The following RFX3 variants were observed in gnomAD, a reference collection of about 807,000 sequenced individuals.
RFX3 encodes the protein regulatory factor X3, also known as transcription factor RFX3.
RFX3 carries 14 observed loss-of-function variants against 98.6 expected under a neutral mutation model. The observed-to-expected ratio is 0.14, with a 90% confidence interval of 0.09 to 0.22. The LOEUF (loss-of-function observed/expected upper bound fraction) is 0.22, where lower values mean the gene tolerates loss of function less well. Among genes scored for constraint, RFX3 ranks in the 10% least tolerant of loss-of-function variants. RFX3 has a pLI of 1.00. For missense variants in RFX3, 639 were observed against 926.9 expected (o/e 0.69, Z 4.03); for synonymous variants, 383 against 328.4 (o/e 1.17, Z -1.80).
intron 14 of RFX3, among the ~76,000 whole-genome samples, chr9:3,249,375 G>C (rs968000480): frequency 1.3e-5 from 2 of 151,980 alleles, no homozygotes; most frequent in Non-Finnish European, 2.9e-5. Context: ...ATTGACTGTT[G>C]ATCTCAAAAA....
chr9:3,243,690 A>G (rs1010977698), intron 15 of RFX3, among the ~76,000 whole-genome samples: 3 of 152,196 alleles, frequency 2.0e-5, no homozygotes, highest in African/African-American at 7.2e-5. Context: ...TTCTTAAGTC[A>G]CCTTAAAAGG....
At chr9:3,347,631 C>T (rs1436322966) in intron 2 of RFX3, among the ~76,000 whole-genome samples, 1 of 151,962 alleles carries the variant, frequency 6.6e-6, no homozygotes, top group African/African-American at 2.4e-5. Flanking sequence ...CAAGACCAGT[C>T]TCCTGACCAA....
intron 1 of RFX3, among the ~76,000 whole-genome samples, chr9:3,506,823 G>T (rs1350481535): frequency 6.6e-6 from 1 of 151,620 alleles, no homozygotes; most frequent in East Asian, 1.9e-4. Flanking sequence ...TCTATTTGAA[G>T]AAATATCCAG....
At chr9:3,280,333 T>A (rs1825778730) in intron 7 of RFX3, among the ~76,000 whole-genome samples, 1 of 151,800 alleles carries the variant, frequency 6.6e-6, no homozygotes, top group Admixed American at 6.6e-5. Context: ...ATGAGAGAGC[T>A]TCCAGGTAGT....
intron 13 of RFX3, among the ~76,000 whole-genome samples, chr9:3,261,295 T>C (rs1204290814): frequency 6.6e-6 from 1 of 152,092 alleles, no homozygotes; most frequent in Non-Finnish European, 1.5e-5. Flanking sequence ...ATTTGTTACC[T>C]CCCAGTCTTC....
intron 3 of RFX3, among the ~76,000 whole-genome samples, chr9:3,343,652 T>C (rs1258229453): frequency 2.6e-5 from 4 of 152,228 alleles, no homozygotes; most frequent in African/African-American, 9.6e-5. Flanking sequence ...GTATACTTCA[T>C]GGCAACACAA....
At chr9:3,304,878 A>T (rs1379346439) in intron 4 of RFX3, among the ~76,000 whole-genome samples, 2 of 152,086 alleles carry the variant, frequency 1.3e-5, no homozygotes, top group East Asian at 3.9e-4. Flanking sequence ...AAATACAAGC[A>T]TAGTTCAGAA....
intron 1 of RFX3, among the ~76,000 whole-genome samples, chr9:3,495,485 T>C (rs1277340264): frequency 6.6e-6 from 1 of 152,114 alleles, no homozygotes; most frequent in Non-Finnish European, 1.5e-5. Flanking sequence ...TTTTTGGCAG[T>C]ATTTAATTCT....
chr9:3,404,102 T>C (rs1841737496), intron 1 of RFX3, among the ~76,000 whole-genome samples: 1 of 152,184 alleles, frequency 6.6e-6, no homozygotes. Flanking sequence ...AGAAACAATA[T>C]ACCCCATTTT....
chr9:3,348,403 T>C (rs903240840), intron 2 of RFX3, among the ~76,000 whole-genome samples: 1 of 151,980 alleles, frequency 6.6e-6, no homozygotes, highest in Admixed American at 6.6e-5. Context: ...ATTAATAGTA[T>C]CCTGCTCCCT....
rs369069565 is a variant in RFX3 at position 3,506,695 on chromosome 9, C to G, written c.-9+19052G>C. Reference sequence around the variant, plus strand: ...ATAGATATATGAGTCTAGAATTTCACATATAGAGAAATGTATATATATAAA... The same window carrying G: ...ATAGATATATGAGTCTAGAATTTCAGATATAGAGAAATGTATATATATAAA... On this transcript the variant is annotated intron_variant, in intron 1 of 16. Coordinates refer to ENST00000617270, the MANE Select transcript of RFX3 (RefSeq NM_001282116.2). Among the ~76,000 whole-genome samples the G allele has an allele frequency of 2.0e-4, 30 of 151,680 alleles. 1 individual carries two copies. In the East Asian group the frequency reaches 5.4e-3, roughly 27 times the overall value.
chr9:3,475,446 T>C (rs1214812382), intron 1 of RFX3, among the ~76,000 whole-genome samples: 5 of 151,842 alleles, frequency 3.3e-5, no homozygotes, highest in Non-Finnish European at 7.4e-5. Context: ...CTCCAATGAT[T>C]GACAAGGTCA....
chr9:3,450,181 T>A (rs890608185), intron 1 of RFX3, among the ~76,000 whole-genome samples: 2 of 152,180 alleles, frequency 1.3e-5, no homozygotes, highest in African/African-American at 4.8e-5. Flanking sequence ...ACTACTAAGG[T>A]TGCAATCACA....
At chr9:3,514,209 T>C (rs1021994373) in intron 1 of RFX3, among the ~76,000 whole-genome samples, 2 of 152,090 alleles carry the variant, frequency 1.3e-5, no homozygotes, top group Admixed American at 1.3e-4. Context: ...CTCAAGAAAA[T>C]AGCACTAAGG....
At chr9:3,460,208 G>C (rs1325689377) in intron 1 of RFX3, among the ~76,000 whole-genome samples, 1 of 151,850 alleles carries the variant, frequency 6.6e-6, no homozygotes, top group East Asian at 1.9e-4. Context: ...GAAGGCAGGG[G>C]CCAATAAAAC....
intron 4 of RFX3, chr9:3,323,988 G>A (rs1185979968): frequency 2.4e-6 from 1 of 424,776 alleles, no homozygotes; most frequent in Non-Finnish European, 5.1e-6. Context: ...TTTATTAAAT[G>A]CTTTGAAAAT....
intron 1 of RFX3, among the ~76,000 whole-genome samples, chr9:3,496,583 A>G (rs1246945722): frequency 1.3e-5 from 2 of 152,000 alleles, no homozygotes; most frequent in Admixed American, 6.6e-5. Context: ...TTCAACTACT[A>G]ATTCTGTACT....
chr9:3,385,316 G>A (rs577968188), intron 2 of RFX3, among the ~76,000 whole-genome samples: 13 of 152,118 alleles, frequency 8.5e-5, no homozygotes, highest in Non-Finnish European at 1.3e-4. Flanking sequence ...AGGCAAATTA[G>A]ATATTAATAG....
rs1360701251 is a variant in RFX3 at position 3,505,313 on chromosome 9, T to A, written c.-9+20434A>T. 8.9e-4 allele frequency among the ~76,000 whole-genome samples: 68 copies of A among 76,670 alleles called. 7 individuals are homozygous for A. The highest frequency in any genetic ancestry group is 4.2e-3 in the African/African-American group (52 of 12,436). 50.3% of individuals were successfully genotyped at this position (76,670 alleles called of 152,430 possible). A position where few individuals can be genotyped will look rare whatever the true frequency, so the allele number is the denominator to read the frequency against. ...TTATATTTATATATATATAAATATA[T>A]ATTAATGTATATTTATATTTTATAT... On this transcript the variant is annotated intron_variant, in intron 1 of 16. Coordinates refer to ENST00000617270, the MANE Select transcript of RFX3 (RefSeq NM_001282116.2).
Sources: allele counts gnomAD v4.1 joint callset (sites outside exome capture counted in the v4.1 genomes callset), GRCh38; gene constraint gnomAD v4.1.1; transcripts MANE v1.5; gene names NCBI Gene and HGNC (gene_info 2026-07-23, HGNC 2026-07-21).